Variants in RTL9 observed in about 807,000 individuals in gnomAD.
RTL9 encodes retrotransposon Gag-like protein 9.
In RTL9, 19 loss-of-function variants were observed where a neutral mutation model predicts 44.7. The observed-to-expected ratio is 0.42, with a 90% CI of 0.30 to 0.62. The LOEUF is 0.62. Among genes scored for constraint, RTL9 ranks in the 20% least tolerant of loss-of-function variants. RTL9 has a pLI of 0.16. For synonymous variants in RTL9, 407 were observed against 398.9 expected (o/e 1.02, Z -0.24); for missense variants, 1,105 against 1,080.6 (o/e 1.02, Z -0.32).
At chrX:110,399,669 T>C (rs1288112464) in intron 1 of RTL9, among the ~76,000 whole-genome samples, 1 of 111,849 alleles carries the variant, frequency 8.9e-6, no homozygotes, top group African/African-American at 3.3e-5. Context: ...AATCTCATTG[T>C]GCGGCTAGCC....
chrX:110,363,547 A>G (rs1440197155), intron 1 of RTL9, among the ~76,000 whole-genome samples: 1 of 112,137 alleles, frequency 8.9e-6, no homozygotes. Context: ...AGTCCATATA[A>G]CTAAGACGGG....
At chrX:110,419,933 C>G (rs2068704993) in intron 1 of RTL9, among the ~76,000 whole-genome samples, 1 of 112,283 alleles carries the variant, frequency 8.9e-6, no homozygotes, top group Non-Finnish European at 1.9e-5. Context: ...TAATCCTCAT[C>G]ATAACCCAAT....
intron 1 of RTL9, among the ~76,000 whole-genome samples, chrX:110,359,213 T>C (rs909109096): frequency 9.0e-6 from 1 of 110,793 alleles, no homozygotes; most frequent in Non-Finnish European, 1.9e-5. Flanking sequence ...GAAACTTGAT[T>C]TTTCTTTCTT....
chrX:110,397,168 C>A (rs941474411), intron 1 of RTL9, among the ~76,000 whole-genome samples: 17 of 111,261 alleles, frequency 1.5e-4, no homozygotes, highest in African/African-American at 5.2e-4. Flanking sequence ...GTTCCAAAGA[C>A]TTACTCTTAG....
rs571357995 is a variant in RTL9, at chrX:110,403,496, G to A, written c.-167-41657G>A. Among the ~76,000 whole-genome samples the A allele has an allele frequency of 5.4e-5, 6 of 110,772 alleles. No homozygotes were observed. In the South Asian group the frequency reaches 2.0e-3, roughly 37 times the overall value. On this transcript the variant is annotated intron_variant, in intron 1 of 2. Coordinates refer to the RTL9 transcript ENST00000520821. Reference sequence around the variant, plus strand: ...TGCGCGCACACACATGCACATGCCCGGATCCTTCTCCAAACACGTCCATGA... The same window carrying A: ...TGCGCGCACACACATGCACATGCCCAGATCCTTCTCCAAACACGTCCATGA...
At chrX:110,397,758 G>C in intron 1 of RTL9, among the ~76,000 whole-genome samples, 1 of 112,082 alleles carries the variant, frequency 8.9e-6, no homozygotes. Flanking sequence ...TGCCCCATCA[G>C]CTTCCCTGCT....
At chrX:110,417,747 G>A (rs1447768919), upstream of RTL9, among the ~76,000 whole-genome samples, 1 of 112,392 alleles carries the variant, frequency 8.9e-6, no homozygotes, top group Non-Finnish European at 1.9e-5. Context: ...AACACTTACT[G>A]AGCTCTGGAG....
At chrX:110,397,102 A>G (rs970102718) in intron 1 of RTL9, among the ~76,000 whole-genome samples, 24 of 111,948 alleles carry the variant, frequency 2.1e-4, no homozygotes, top group African/African-American at 7.1e-4. Context: ...GGGACAGGGC[A>G]AATGTGAGAA....
intron 1 of RTL9, among the ~76,000 whole-genome samples, chrX:110,381,429 G>A (rs1321452555): frequency 1.8e-5 from 2 of 111,829 alleles, no homozygotes; most frequent in Admixed American, 9.5e-5. Flanking sequence ...AACAGCAGAT[G>A]TTGAAGAGGT....
chrX:110,451,904 G>A (rs771759848), exon 1 of RTL9: 13 of 1,211,745 alleles, frequency 1.1e-5, no homozygotes, highest in Non-Finnish European at 1.5e-5. Context: ...CATTGCAAAA[G>A]ACAGTTCCAG....
intron 1 of RTL9, among the ~76,000 whole-genome samples, chrX:110,402,851 A>C (rs902686967): frequency 8.0e-5 from 9 of 112,203 alleles, no homozygotes; most frequent in Admixed American, 2.8e-4. Context: ...GTCTCCTTTC[A>C]TGATTAGGAA....
At chrX:110,415,050 T>A (rs1168193246), upstream of RTL9, among the ~76,000 whole-genome samples, 2 of 112,156 alleles carry the variant, frequency 1.8e-5, no homozygotes, top group Non-Finnish European at 3.8e-5. Context: ...ACAGCATTCA[T>A]GTTTATCCCA....
At chrX:110,380,635 A>C (rs2068412484) in intron 1 of RTL9, among the ~76,000 whole-genome samples, 1 of 112,555 alleles carries the variant, frequency 8.9e-6, no homozygotes, top group Non-Finnish European at 1.9e-5. Flanking sequence ...CCAAATAGTC[A>C]AAGTAAACCT....
At chrX:110,408,577 A>C in intron 1 of RTL9, among the ~76,000 whole-genome samples, 1 of 112,485 alleles carries the variant, frequency 8.9e-6, no homozygotes, top group East Asian at 2.8e-4. Flanking sequence ...CCCCGACCCC[A>C]CAGTTTTAAT....
chrX:110,375,980 C>G (rs1276791931), intron 1 of RTL9, among the ~76,000 whole-genome samples: 1 of 110,931 alleles, frequency 9.0e-6, no homozygotes, highest in East Asian at 2.8e-4. Context: ...CCTGTCTGTC[C>G]TTAAAAAAAT....
At position 110,360,887 on chromosome X, in the gene RTL9, T is replaced by C. The variant is rs144789650; in HGVS notation, c.-168+1971T>C. On this transcript the variant is annotated intron_variant, in intron 1 of 2. Coordinates refer to the RTL9 transcript ENST00000520821. ...TGATAGGATTTTGTCACGGACTGAC[T>C]TCTGGAGTTGAAAGGTAGAGGAAGG... 3.9e-4 allele frequency among the ~76,000 whole-genome samples: 44 copies of C among 111,704 alleles called. No individual in the cohort carries two copies. In the East Asian group the frequency reaches 0.012, roughly 31 times the overall value.
chrX:110,385,646 C>T lies in RTL9; in HGVS notation c.-168+26730C>T, dbSNP rs952632650. 3.6e-5 allele frequency among the ~76,000 whole-genome samples: 4 copies of T among 111,854 alleles called. No homozygotes were observed. The Admixed American group carries it at 3.8e-4, about 11-fold the overall frequency. On this transcript the variant is annotated intron_variant, in intron 1 of 2. Coordinates refer to the RTL9 transcript ENST00000520821. ...GGTCTTCTGTGACTAGCTTCTCTCC[C>T]TTAGCATAACTGTCTTTTAAAAAAT...
At chrX:110,375,558 A>G (rs2068370511) in intron 1 of RTL9, among the ~76,000 whole-genome samples, 1 of 110,885 alleles carries the variant, frequency 9.0e-6, no homozygotes, top group Admixed American at 9.5e-5. Flanking sequence ...GAATGAATGA[A>G]TGAATCAATC....
chrX:110,361,911 G>A (rs1429763478), intron 1 of RTL9, among the ~76,000 whole-genome samples: 2 of 111,768 alleles, frequency 1.8e-5, no homozygotes, highest in African/African-American at 6.5e-5. Context: ...CCATAGATGA[G>A]CATGGCTGTG....
Sources: gnomAD v4.1 joint callset for allele counts (sites outside exome capture counted in the v4.1 genomes callset) on GRCh38, gnomAD v4.1.1 for gene constraint, MANE v1.5 for transcripts, NCBI Gene and HGNC (gene_info 2026-07-23, HGNC 2026-07-21) for gene names.